NFIX: variants seen among roughly 807,000 people sequenced by gnomAD.
NFIX encodes the protein nuclear factor I X, also known as nuclear factor 1 X-type.
A neutral mutation model predicts 53.3 loss-of-function variants in NFIX; 2 were observed. The observed-to-expected ratio is 0.04, with a 90% CI of 0.02 to 0.12. The LOEUF (loss-of-function observed/expected upper bound fraction) is 0.12, where lower values mean the gene tolerates loss of function less well. Among genes scored for constraint, NFIX ranks in the 10% least tolerant of loss-of-function variants. The pLI is 1.00. For missense variants in NFIX, 310 were observed against 674.5 expected (o/e 0.46, Z 5.99); for synonymous variants, 244 against 289.0 (o/e 0.84, Z 1.58).
At chr19:13,033,510 C>T (rs1298915821) in intron 2 of NFIX, among the ~76,000 whole-genome samples, 1 of 152,214 alleles carries the variant, frequency 6.6e-6, no homozygotes, top group Non-Finnish European at 1.5e-5. Flanking sequence ...GCCACCACCA[C>T]CCCAGTACAG....
intron 2 of NFIX, among the ~76,000 whole-genome samples, chr19:13,044,942 G>GGTCAGGT (rs935023952): frequency 3.9e-5 from 6 of 152,170 alleles, no homozygotes; most frequent in African/African-American, 9.7e-5. Flanking sequence ...ACAAGAGGCA[G>GGTCAGGT]GTCAGGTTCC....
intron 1 of NFIX, among the ~76,000 whole-genome samples, chr19:13,019,727 G>GTTTT (rs201956443): frequency 9.7e-5 from 12 of 124,016 alleles, no homozygotes; most frequent in African/African-American, 2.6e-4. Flanking sequence ...TTTTTTGTTT[G>GTTTT]TTTGTTTTTT....
rs2011735630 is a variant in NFIX, at chr19:13,002,064, G to T, written c.27+6200G>T. 6.6e-6 allele frequency among the ~76,000 whole-genome samples: 1 copy of T among 152,166 alleles called. No homozygotes were observed. The highest frequency in any genetic ancestry group is 1.5e-5 in the Non-Finnish European group (1 of 68,008). ...AGCTGGGTGTCCGGCTGTCTCCGTGGGCCTGAGCCCACTATCCCCGCTGCC... is the reference window on the plus strand; with the variant it reads ...AGCTGGGTGTCCGGCTGTCTCCGTGTGCCTGAGCCCACTATCCCCGCTGCC... On this transcript the variant is annotated intron_variant, in intron 1 of 10. Coordinates refer to ENST00000592199, the MANE Select transcript of NFIX (RefSeq NM_001365902.3). The surrounding 1 kb of genome is among the most constrained non-coding windows in gnomAD (Gnocchi z 6.1).
chr19:13,092,159 C>T (rs2145526000), intron 10 of NFIX, among the ~76,000 whole-genome samples: 1 of 152,298 alleles, frequency 6.6e-6, no homozygotes, highest in African/African-American at 2.4e-5. Flanking sequence ...TCCACAGTAA[C>T]CAGTGACTTT....
At chr19:13,057,486 G>T (rs1465532429) in intron 2 of NFIX, among the ~76,000 whole-genome samples, 1 of 152,122 alleles carries the variant, frequency 6.6e-6, no homozygotes, top group Admixed American at 6.5e-5. Context: ...CTCGGCTTTC[G>T]CTCCCACCAA....
chr19:13,095,555 C>T lies in NFIX; in HGVS notation c.*906C>T, dbSNP rs1043066850. The stretch of plus-strand genomic sequence containing the variant: ...GAGTCGGGCCCCAGGTCGCCCCCGC[C>T]CCCAGCCCTGCATGCAGGTGCCCTC... On this transcript the variant is annotated 3_prime_UTR_variant, in exon 11 of 11. Coordinates refer to ENST00000592199, the MANE Select transcript of NFIX (RefSeq NM_001365902.3). The T allele has an allele frequency of 2.0e-5, 3 of 152,422 alleles. No individual in the cohort carries two copies. 9.4% of individuals were successfully genotyped at this position (152,422 alleles called of 1,614,324 possible).
At position 13,012,226 on chromosome 19, in the gene NFIX, G is replaced by C. The variant is rs1177690566; in HGVS notation, c.28-12795G>C. On this transcript the variant is annotated intron_variant, in intron 1 of 10. Coordinates refer to ENST00000592199, the MANE Select transcript of NFIX (RefSeq NM_001365902.3). The surrounding 1 kb of genome is among the most constrained non-coding windows in gnomAD (Gnocchi z 5.0). ...TGGCTCCGACGACGGAACCGCCATG[G>C]GTGCTGAGTGGAGAGTGGGGACCGC... 1 of 152,326 alleles carries C rather than the reference G, an allele frequency of 6.6e-6. No individual in the cohort carries two copies. The highest frequency in any genetic ancestry group is 1.5e-5 in the Non-Finnish European group (1 of 68,096). The allele number at this position is 152,326 out of a possible 1,614,324, so 9.4% of individuals were successfully genotyped here.
rs955927885 is a variant in NFIX, at chr19:13,068,084, G to A, written c.560-4963G>A. Among the ~76,000 whole-genome samples, 1 of 151,544 alleles carries A rather than the reference G, an allele frequency of 6.6e-6. No homozygotes were observed. Among genetic ancestry groups the A allele is most frequent in the Non-Finnish European group, 1.5e-5 (1 of 67,906 alleles). The stretch of plus-strand genomic sequence containing the variant: ...CGCACCACTGCACTCCAGCCTGGGT[G>A]ACAGAGCAAGACTCCATCTCAAAAA... On this transcript the variant is annotated intron_variant, in intron 2 of 10. Coordinates refer to ENST00000592199, the MANE Select transcript of NFIX (RefSeq NM_001365902.3). The surrounding 1 kb of genome is among the most constrained non-coding windows in gnomAD (Gnocchi z 4.2).
In NFIX at chr19:13,013,228, C is replaced by T. The variant is rs1031936821; in HGVS notation, c.28-11793C>T. Reference sequence around the variant, plus strand: ...TTCCTGGGCAGGCCAGGGGAGAGGACGGAAAAGTGAAAAAAGAACGTGTGC... The same window carrying T: ...TTCCTGGGCAGGCCAGGGGAGAGGATGGAAAAGTGAAAAAAGAACGTGTGC... On this transcript the variant is annotated intron_variant, in intron 1 of 10. Coordinates refer to ENST00000592199, the MANE Select transcript of NFIX (RefSeq NM_001365902.3). The surrounding 1 kb of genome is among the most constrained non-coding windows in gnomAD (Gnocchi z 5.9). Among the ~76,000 whole-genome samples, 4 of 151,990 alleles carry T rather than the reference C, an allele frequency of 2.6e-5. No homozygotes were observed. Among genetic ancestry groups the T allele is most frequent in the Non-Finnish European group, 5.9e-5 (4 of 68,008 alleles).
At chr19:13,064,109 A>C (rs1179622245) in intron 2 of NFIX, among the ~76,000 whole-genome samples, 1 of 152,018 alleles carries the variant, frequency 6.6e-6, no homozygotes. Context: ...TCTTTTCTTG[A>C]CATGTGGGGT....
chr19:12,995,802 C>T lies in NFIX; in HGVS notation c.-36C>T. The T allele has an allele frequency of 1.0e-5, 10 of 976,884 alleles. No individual in the cohort carries two copies. Among genetic ancestry groups the T allele is most frequent in the Non-Finnish European group, 1.2e-5 (10 of 823,834 alleles). The allele number at this position is 976,884 out of a possible 1,614,324, so 60.5% of individuals were successfully genotyped here. On this transcript the variant is annotated 5_prime_UTR_variant, in exon 1 of 11. Coordinates refer to ENST00000592199, the MANE Select transcript of NFIX (RefSeq NM_001365902.3). ...CCGCCTGCCGGGCCTCCCCTCGCCG[C>T]GGCCGGCCGCCGCGCTCCCGCCCGG...
chr19:13,055,666 GC>G (rs1190746162), intron 2 of NFIX, among the ~76,000 whole-genome samples: 1 of 152,082 alleles, frequency 6.6e-6, no homozygotes, highest in East Asian at 1.9e-4. Context: ...CCATCTGCTC[GC>G]CCCGGGCCTA....
Position 13,037,916 on chromosome 19 carries a change from GA to G in NFIX, c.559+12365del, listed in dbSNP as rs887873635. Among the ~76,000 whole-genome samples the G allele has an allele frequency of 5.3e-5, 8 of 152,150 alleles. No homozygotes were observed. The highest frequency in any genetic ancestry group is 1.9e-4 in the African/African-American group (8 of 41,418). The stretch of plus-strand genomic sequence containing the variant: ...CCCAAACGTCACAAGTGCGGAGGTG[GA>G]GAAACCCAGCCTTAGAGGGAGAATA... On this transcript the variant is annotated intron_variant, in intron 2 of 10. Coordinates refer to ENST00000592199, the MANE Select transcript of NFIX (RefSeq NM_001365902.3). The surrounding 1 kb of genome is among the most constrained non-coding windows in gnomAD (Gnocchi z 4.2).
intron 2 of NFIX, among the ~76,000 whole-genome samples, chr19:13,033,968 A>T (rs1426854761): frequency 6.6e-6 from 1 of 152,178 alleles, no homozygotes; most frequent in African/African-American, 2.4e-5. Context: ...TAGACAGGGC[A>T]GGTATTATTG....
rs923130803 is a variant in NFIX, at chr19:13,089,903, T to TGGG, written c.1403-394_1403-392dup. Among the ~76,000 whole-genome samples the TGGG allele has an allele frequency of 6.6e-6, 1 of 152,168 alleles. No individual in the cohort carries two copies. Among genetic ancestry groups the TGGG allele is most frequent in the Non-Finnish European group, 1.5e-5 (1 of 68,004 alleles). On this transcript the variant is annotated intron_variant, in intron 9 of 10. Transcript: ENST00000592199. The surrounding 1 kb of genome is among the most constrained non-coding windows in gnomAD (Gnocchi z 4.8). ...AGCAGGGTTATCCACTGAGGGTACC[T>TGGG]GGGGACCAGGGCTATCCCCAGCCCT...
rs1448278696 is a variant in NFIX, at chr19:13,094,501, T to TG, written c.1495-131dup. On this transcript the variant is annotated intron_variant, in intron 10 of 10. Transcript: ENST00000592199. The surrounding 1 kb of genome is among the most constrained non-coding windows in gnomAD (Gnocchi z 4.3). Reference sequence around the variant, plus strand: ...CCCTTTCTTCTCCATGGGAACAAGGTGGGTGGTGGCTGCCCGGCACCCTGG... The same window carrying TG: ...CCCTTTCTTCTCCATGGGAACAAGGTGGGGTGGTGGCTGCCCGGCACCCTGG... The TG allele has an allele frequency of 8.9e-6, 7 of 783,196 alleles. No homozygotes were observed. In the African/African-American group the frequency reaches 1.2e-4, roughly 14 times the overall value. 48.5% of individuals were successfully genotyped at this position (783,196 alleles called of 1,614,324 possible). A position where few individuals can be genotyped will look rare whatever the true frequency, so the allele number is the denominator to read the frequency against.
At position 13,095,278 on chromosome 19, in the gene NFIX, C is replaced by A. The variant is rs931447065; in HGVS notation, c.*629C>A. ...GGGGGAGAGCAGCCTCCACTTACCC[C>A]ACCCCACCCTTGGGCTAAAAGCCCC... On this transcript the variant is annotated 3_prime_UTR_variant, in exon 11 of 11. Transcript: ENST00000592199. 1 of 152,212 alleles carries A rather than the reference C, an allele frequency of 6.6e-6. No homozygotes were observed. The highest frequency in any genetic ancestry group is 1.5e-5 in the Non-Finnish European group (1 of 68,130). 9.4% of individuals were successfully genotyped at this position (152,212 alleles called of 1,614,324 possible).
intron 1 of NFIX, 89 bp downstream of exon 1, chr19:12,995,953 C>T: frequency 6.1e-6 from 3 of 494,624 alleles, no homozygotes; most frequent in Non-Finnish European, 7.8e-6. Flanking sequence ...GCGCGGCGGC[C>T]GGGAAGGGGG....
chr19:13,081,178 AC>A lies in NFIX; in HGVS notation c.1079-500del, dbSNP rs1156672052. On this transcript the variant is annotated intron_variant, in intron 7 of 10. Coordinates refer to ENST00000592199, the MANE Select transcript of NFIX (RefSeq NM_001365902.3). This position sits in a 1 kb window ranked among gnomAD's most constrained non-coding sequence, Gnocchi z 4.7. ...AAATCTACCAGGCCTGGTGGCGTGCACCTGTAGTGCTGGTTACTTGGGGGGC... is the reference window on the plus strand; with the variant it reads ...AAATCTACCAGGCCTGGTGGCGTGCACTGTAGTGCTGGTTACTTGGGGGGC... Among the ~76,000 whole-genome samples the A allele has an allele frequency of 6.7e-6, 1 of 149,790 alleles. No homozygotes were observed. The highest frequency in any genetic ancestry group is 1.5e-5 in the Non-Finnish European group (1 of 67,700).
Sources: gnomAD v4.1 joint callset for allele counts (sites outside exome capture counted in the v4.1 genomes callset) on GRCh38, gnomAD v4.1.1 for gene constraint, Gnocchi (gnomAD v3.1) non-coding constraint, MANE v1.5 for transcripts, NCBI Gene and HGNC (gene_info 2026-07-23, HGNC 2026-07-21) for gene names.